SLC17A1: variants seen among roughly 807,000 people sequenced by gnomAD.
The protein encoded by SLC17A1 is sodium-dependent phosphate transport protein 1.
SLC17A1 carries 51 observed loss-of-function variants against 53.5 expected under a neutral mutation model. The observed-to-expected ratio is 0.95, with a 90% CI of 0.76 to 1.20. The LOEUF (loss-of-function observed/expected upper bound fraction) is 1.20. Among genes scored for constraint, SLC17A1 ranks in the 50% most tolerant of loss-of-function variants. The probability of loss-of-function intolerance (pLI) is 0.00; values close to 1 mark genes in which losing one functional copy is unlikely to be tolerated. For synonymous variants in SLC17A1, 179 were observed against 198.8 expected, an observed-to-expected ratio of 0.90 and a Z score of 0.84; for missense variants, 538 against 568.2, an observed-to-expected ratio of 0.95 and a Z score of 0.54.
the SLC17A1 span, chr6:25,726,519 T>C: frequency 2.5e-6 from 4 of 1,607,876 alleles, no homozygotes; most frequent in African/African-American, 2.7e-5. Context: ...GCTTCCCTCG[T>C]CCAGACATCT....
chr6:25,727,498 TCTCCTGCCTCAGC>T, the SLC17A1 span, among the ~76,000 whole-genome samples: 1 of 151,310 alleles, frequency 6.6e-6, no homozygotes, highest in African/African-American at 2.4e-5. Flanking sequence ...TTCACGCCAT[TCTCCTGCCTCAGC>T]CTCCTGAGCA....
chr6:25,764,306 A>G, the SLC17A1 span, among the ~76,000 whole-genome samples: 1 of 152,150 alleles, frequency 6.6e-6, no homozygotes, highest in African/African-American at 2.4e-5. Context: ...AGGCACTGAG[A>G]ACAATATCAG....
At chr6:25,741,415 C>CAAAAAAA in the SLC17A1 span, among the ~76,000 whole-genome samples, 2 of 82,924 alleles carry the variant, frequency 2.4e-5, no homozygotes, top group Non-Finnish European at 4.6e-5. Flanking sequence ...ACTAAGAATC[C>CAAAAAAA]AAAAAAAAAA....
chr6:25,809,844 C>T (rs1764090421), intron 10 of SLC17A1, among the ~76,000 whole-genome samples: 1 of 152,066 alleles, frequency 6.6e-6, no homozygotes, highest in Non-Finnish European at 1.5e-5. Flanking sequence ...CTGGAGGCAG[C>T]ACACTATCTG....
At chr6:25,755,173 C>T in the SLC17A1 span, among the ~76,000 whole-genome samples, 1 of 151,854 alleles carries the variant, frequency 6.6e-6, no homozygotes, top group South Asian at 2.1e-4. Context: ...AAGCATTGAT[C>T]AAATCCACAG....
the SLC17A1 span, among the ~76,000 whole-genome samples, chr6:25,775,881 T>C: frequency 1.3e-5 from 2 of 152,214 alleles, no homozygotes; most frequent in African/African-American, 2.4e-5. Context: ...AATTAATATG[T>C]CATGGAAATC....
the SLC17A1 span, chr6:25,777,026 T>A: frequency 6.6e-7 from 1 of 1,511,806 alleles, no homozygotes; most frequent in Non-Finnish European, 8.9e-7. Flanking sequence ...AAATCTACTC[T>A]GATGTGAAAG....
At chr6:25,777,185 C>T in the SLC17A1 span, 1 of 506,264 alleles carries the variant, frequency 2.0e-6, no homozygotes, top group South Asian at 3.3e-5. Flanking sequence ...AGTGGCCATG[C>T]TCAGAGTCAA....
chr6:25,737,831 A>C, the SLC17A1 span, among the ~76,000 whole-genome samples: 1 of 152,218 alleles, frequency 6.6e-6, no homozygotes, highest in Admixed American at 6.5e-5. Flanking sequence ...TACATTATAT[A>C]AATTGTTTTA....
At chr6:25,806,791 T>C (rs1763970080) in intron 10 of SLC17A1, among the ~76,000 whole-genome samples, 1 of 152,026 alleles carries the variant, frequency 6.6e-6, no homozygotes, top group Non-Finnish European at 1.5e-5. Context: ...GACAAAGAAC[T>C]AATATCCACA....
intron 3 of SLC17A1, among the ~76,000 whole-genome samples, chr6:25,822,024 C>T (rs1764580976): frequency 6.6e-6 from 1 of 152,028 alleles, no homozygotes; most frequent in Non-Finnish European, 1.5e-5. Flanking sequence ...AGAATATATA[C>T]TTTAAAATTA....
intron 10 of SLC17A1, among the ~76,000 whole-genome samples, chr6:25,803,596 T>G (rs1464281634): frequency 1.3e-5 from 2 of 152,078 alleles, no homozygotes; most frequent in African/African-American, 2.4e-5. Context: ...GAGCAAGTTT[T>G]TTGCCAAACA....
intron 12 of SLC17A1, among the ~76,000 whole-genome samples, chr6:25,797,835 T>C (rs1389683914): frequency 6.6e-6 from 1 of 152,232 alleles, no homozygotes; most frequent in South Asian, 2.1e-4. Flanking sequence ...CCTGACCTCA[T>C]GATCCACCCG....
At chr6:25,776,911 G>A in the SLC17A1 span, 3 of 1,613,624 alleles carry the variant, frequency 1.9e-6, no homozygotes, top group Non-Finnish European at 2.5e-6. Context: ...GCCATCAGCA[G>A]CTTCTGTGAA....
At chr6:25,774,180 A>G in the SLC17A1 span, among the ~76,000 whole-genome samples, 5 of 152,216 alleles carry the variant, frequency 3.3e-5, no homozygotes, top group African/African-American at 1.2e-4. Context: ...TTGTTTTAAA[A>G]AATCATTTTT....
At chr6:25,818,706 A>C (rs1352765441) in intron 6 of SLC17A1, among the ~76,000 whole-genome samples, 1 of 152,198 alleles carries the variant, frequency 6.6e-6, no homozygotes, top group African/African-American at 2.4e-5. Context: ...GTGTTTGATT[A>C]TGTGGTAGTG....
chr6:25,737,182 T>G, the SLC17A1 span, among the ~76,000 whole-genome samples: 1 of 152,178 alleles, frequency 6.6e-6, no homozygotes, highest in African/African-American at 2.4e-5. Context: ...GTGACAAGAT[T>G]TGCAACTTCT....
the SLC17A1 span, chr6:25,777,808 A>C: frequency 6.6e-6 from 5 of 760,582 alleles, no homozygotes; most frequent in South Asian, 6.6e-5. Flanking sequence ...GAGTTGCAGC[A>C]GACCAGCTGA....
At chr6:25,789,294 A>G (rs1763451121) in intron 12 of SLC17A1, among the ~76,000 whole-genome samples, 1 of 152,214 alleles carries the variant, frequency 6.6e-6, no homozygotes, top group African/African-American at 2.4e-5. Flanking sequence ...GCATCAAAGT[A>G]AACAAAAATA....
Sources: allele counts gnomAD v4.1 joint callset (sites outside exome capture counted in the v4.1 genomes callset), GRCh38; gene constraint gnomAD v4.1.1; transcripts MANE v1.5; gene names NCBI Gene and HGNC (gene_info 2026-07-23, HGNC 2026-07-21).